Variants in CRYAB observed in about 807,000 individuals in gnomAD.
CRYAB encodes the protein alpha-crystallin B chain.
Under a neutral mutation model 12.7 loss-of-function variants are expected in CRYAB, and 9 were observed. The ratio of observed to expected loss-of-function variants is 0.71; its 90% CI spans 0.43 to 1.24. The LOEUF is 1.24. CRYAB is among the 50% of genes most tolerant of loss of function. The pLI is 0.00. For synonymous variants in CRYAB, 93 were observed against 86.8 expected (o/e 1.07, Z -0.40); for missense variants, 183 against 226.6 (o/e 0.81, Z 1.24).
At chr11:111,915,205 A>G (rs868906556), upstream of CRYAB, among the ~76,000 whole-genome samples, 48 of 152,354 alleles carry the variant, frequency 3.2e-4, no homozygotes, top group Middle Eastern at 3.4e-3. Flanking sequence ...ATTTGGCAAT[A>G]CAATTTGAAT....
At chr11:111,912,179 T>C (rs1019113146), upstream of CRYAB, 1 of 222,844 alleles carries the variant, frequency 4.5e-6, no homozygotes, top group Non-Finnish European at 9.0e-6. Context: ...GGGCAGGGAC[T>C]GGAATCTTCC....
chr11:111,908,689 G>A lies in CRYAB; in HGVS notation c.*75C>T. ...CTGCCCTTAGCATTAATAAGCTTCA[G>A]CACTAGTCACAAGACTTTCATTCAC... On this transcript the variant is annotated 3_prime_UTR_variant, in exon 3 of 3. Coordinates refer to ENST00000650687, the MANE Select transcript of CRYAB (RefSeq NM_001289808.2). 7.0e-7 allele frequency: 1 copy of A among 1,436,930 alleles called. No homozygotes were observed. The highest frequency in any genetic ancestry group is 1.4e-5 in the African/African-American group (1 of 71,466). The allele number at this position is 1,436,930 out of a possible 1,614,324, so 89.0% of individuals were successfully genotyped here. A position where few individuals can be genotyped will look rare whatever the true frequency, so the allele number is the denominator to read the frequency against.
At chr11:111,910,499 A>G in intron 1 of CRYAB, 50 bp from the exon 2 acceptor site, 1 of 1,608,562 alleles carries the variant, frequency 6.2e-7, no homozygotes, top group Non-Finnish European at 8.5e-7. Context: ...GGGCAAAAAT[A>G]CTGATTACAC....
chr11:111,912,052 G>A (rs782314851), upstream of CRYAB: 4 of 296,036 alleles, frequency 1.4e-5, no homozygotes, highest in Non-Finnish European at 1.9e-5. Flanking sequence ...TACAGAGTCA[G>A]GAATCCCAAG....
At position 111,919,484 on chromosome 11, in the gene CRYAB, C is replaced by A. The variant is rs587685671; in HGVS notation, c.-199+4219G>T. Among the ~76,000 whole-genome samples, 363 of 150,774 alleles carry A rather than the reference C, an allele frequency of 2.4e-3. 2 individuals are homozygous for A. Among genetic ancestry groups the A allele is most frequent in the South Asian group, 7.8e-3 (37 of 4,752 alleles). On this transcript the variant is annotated intron_variant, in intron 1 of 3. Transcript: ENST00000527950. ...GAGACTGTCTCAACAACAACAACAA[C>A]AAAAAAAAACAGAGCCAAGCTAGCT...
chr11:111,914,014 A>G (rs1965556917), upstream of CRYAB: 4 of 899,044 alleles, frequency 4.4e-6, no homozygotes, highest in Admixed American at 2.8e-5. Context: ...ATGGTCCACA[A>G]TGTATGGTTT....
intron 1 of CRYAB, among the ~76,000 whole-genome samples, chr11:111,921,634 G>A (rs1965700533): frequency 6.6e-6 from 1 of 152,186 alleles, no homozygotes; most frequent in Non-Finnish European, 1.5e-5. Context: ...AGAAGGAGAT[G>A]TAACAGCTTC....
At chr11:111,919,075 G>T in intron 1 of CRYAB, 2 of 1,563,208 alleles carry the variant, frequency 1.3e-6, no homozygotes, top group Non-Finnish European at 1.8e-6. Flanking sequence ...GAAAATCAGA[G>T]GACCTGGAGA....
Position 111,918,571 on chromosome 11 carries a change from AACTACT to A in CRYAB, c.-199+5126_-199+5131del, listed in dbSNP as rs1965632817. ...AGTTAAACCTGAGTGGTGCTGAGCA[AACTACT>A]ACATTAGGCACTCATCTATTATAGA... On this transcript the variant is annotated intron_variant, in intron 1 of 3. Transcript: ENST00000527950. The A allele has an allele frequency of 5.6e-5, 31 of 556,390 alleles. No individual in the cohort carries two copies. The South Asian group carries it at 7.8e-4, about 14-fold the overall frequency. 34.5% of individuals were successfully genotyped at this position (556,390 alleles called of 1,614,324 possible).
rs375886627 is a variant in CRYAB at position 111,911,538 on chromosome 11, T to C, written c.187A>G (p.Thr63Ala). ...GGGAGACTCACCTCTGAGAGTCCAGTGTCAAACCAGCTGGGTGCCCGCAGG... is the reference window on the plus strand; with the variant it reads ...GGGAGACTCACCTCTGAGAGTCCAGCGTCAAACCAGCTGGGTGCCCGCAGG... The part of the protein sequence containing the change: ...SFLRAPSWFD[T>A]GLSEMRLEKD... Residue 63 changes from threonine to alanine, a missense_variant, in exon 1 of 3, where the codon ACT (threonine) becomes GCT (alanine). By Grantham distance (58) the Thr-to-Ala change is moderately conservative. This residue lies in a region of CRYAB where 86 missense variants were observed against 96.1 expected (regional missense o/e 0.89). Coordinates refer to ENST00000650687, the MANE Select transcript of CRYAB (RefSeq NM_001289808.2). 9 of 1,611,022 alleles carry C rather than the reference T, an allele frequency of 5.6e-6. No individual in the cohort carries two copies. The highest frequency in any genetic ancestry group is 1.3e-5 in the African/African-American group (1 of 74,970).
At chr11:111,913,010 A>C (rs1555165810), upstream of CRYAB, 2 of 780,812 alleles carry the variant, frequency 2.6e-6, no homozygotes, top group African/African-American at 3.0e-5. Context: ...CCTCCACCCC[A>C]CTCTGGGCTT....
upstream of CRYAB, among the ~76,000 whole-genome samples, chr11:111,915,661 G>A (rs1965586725): frequency 6.6e-6 from 1 of 152,208 alleles, no homozygotes. Flanking sequence ...CCATTCAAAT[G>A]CTTTTAAAGT....
chr11:111,909,554 AT>A (rs1965387101), intron 2 of CRYAB, among the ~76,000 whole-genome samples: 2 of 152,212 alleles, frequency 1.3e-5, no homozygotes, highest in African/African-American at 2.4e-5. Context: ...TTATAAAGTC[AT>A]AACAAGCTGT....
intron 2 of CRYAB, chr11:111,909,718 C>A (rs767688958): frequency 9.9e-6 from 2 of 202,216 alleles, no homozygotes; most frequent in South Asian, 9.1e-5. Context: ...TTAGACAAAC[C>A]AAGTAGTTCA....
intron 1 of CRYAB, among the ~76,000 whole-genome samples, chr11:111,919,430 G>A (rs782606653): frequency 1.3e-5 from 2 of 152,058 alleles, no homozygotes; most frequent in South Asian, 2.1e-4. Flanking sequence ...CCGAGATCGC[G>A]CCACTGCACT....
upstream of CRYAB, among the ~76,000 whole-genome samples, chr11:111,915,079 A>T (rs1388079314): frequency 6.6e-6 from 1 of 152,196 alleles, no homozygotes; most frequent in Non-Finnish European, 1.5e-5. Context: ...CAAAAAAATT[A>T]AATTGAATTG....
chr11:111,913,927 C>A (rs782391081), upstream of CRYAB: 1 of 1,556,912 alleles, frequency 6.4e-7, no homozygotes, highest in Non-Finnish European at 8.7e-7. Flanking sequence ...GCAAATCCCT[C>A]TCTACCTCCC....
chr11:111,918,976 G>A, intron 1 of CRYAB: 3 of 1,614,112 alleles, frequency 1.9e-6, no homozygotes, highest in Non-Finnish European at 8.5e-7. Flanking sequence ...GAGCGCCATG[G>A]GAAACCGGGT....
intron 1 of CRYAB, 173 bp from the exon 2 acceptor site, chr11:111,910,622 C>T: frequency 1.3e-6 from 1 of 789,388 alleles, no homozygotes; most frequent in South Asian, 1.6e-5. Flanking sequence ...CAGGGAGCCA[C>T]CACAGTGATA....
Sources: allele counts gnomAD v4.1 joint callset (sites outside exome capture counted in the v4.1 genomes callset), GRCh38; gene constraint gnomAD v4.1.1; regional missense constraint gnomAD v4.1.1; transcripts MANE v1.5; gene names NCBI Gene and HGNC (gene_info 2026-07-23, HGNC 2026-07-21).